Variants in MAP3K1 observed in about 807,000 individuals in gnomAD.
MAP3K1 encodes MAP/ERK kinase kinase 1.
A neutral mutation model predicts 144.2 loss-of-function variants in MAP3K1; 36 were observed. That is an observed-to-expected ratio of 0.25 (90% CI 0.19 to 0.33). The LOEUF (loss-of-function observed/expected upper bound fraction) is 0.33. Ranked by LOEUF, MAP3K1 falls within the 10% of genes least tolerant of loss-of-function variation. MAP3K1 has a pLI of 1.00. For missense variants in MAP3K1, 1,650 were observed against 1,881.9 expected, an observed-to-expected ratio of 0.88 and a Z score of 2.28; for synonymous variants, 718 against 688.7, an observed-to-expected ratio of 1.04 and a Z score of -0.67.
At chr5:56,879,204 G>C in intron 11 of MAP3K1, 103 bp downstream of exon 11, 1 of 1,354,708 alleles carries the variant, frequency 7.4e-7, no homozygotes, top group Non-Finnish European at 1.1e-6. Flanking sequence ...TATTAAATGA[G>C]TCTTTGAACA....
At chr5:56,848,349 CTA>C (rs893747802) in intron 1 of MAP3K1, among the ~76,000 whole-genome samples, 5 of 152,144 alleles carry the variant, frequency 3.3e-5, no homozygotes, top group Admixed American at 3.3e-4. Context: ...TTGTTAAGGG[CTA>C]TGTTTGTCCA....
At chr5:56,887,941 A>T (rs1171302596) in intron 18 of MAP3K1, 3 of 484,168 alleles carry the variant, frequency 6.2e-6, no homozygotes, top group Admixed American at 7.1e-5. Context: ...ATAATTCTTC[A>T]TGTTCATATG....
At position 56,821,180 on chromosome 5, in the gene MAP3K1, T is replaced by C. The variant is rs569399735; in HGVS notation, c.482+5125T>C. Among the ~76,000 whole-genome samples, 3 of 152,268 alleles carry C rather than the reference T, an allele frequency of 2.0e-5. No individual in the cohort carries two copies. The South Asian group carries it at 6.2e-4, about 32-fold the overall frequency. On this transcript the variant is annotated intron_variant, in intron 1 of 19. Transcript: ENST00000399503. ...TTACTCTATGGCATGTCATTGGTGA[T>C]TGAGTTATGTTTGGTATGGAAGGGA...
At position 56,872,967 on chromosome 5, in the gene MAP3K1, C is replaced by T; in HGVS notation, c.1648C>T (p.Pro550Ser). The stretch of plus-strand genomic sequence containing the variant: ...TACTCATTATGGAACTCAGCAAATC[C>T]CTCCTGCTTACAAAGATTTAGCTGA... ...NLTHYGTQQI[P>S]PAYKDLAEPW... The change falls in exon 9 of 20, where the codon CCT becomes TCT. Residue 550 changes from proline to serine, a missense_variant. Pro to Ser is a moderately conservative substitution (Grantham distance 74, BLOSUM62 -1). Transcript: ENST00000399503. 5.6e-6 allele frequency: 9 copies of T among 1,613,990 alleles called. No homozygotes were observed. Among genetic ancestry groups the T allele is most frequent in the Non-Finnish European group, 7.6e-6 (9 of 1,179,976 alleles).
chr5:56,879,403 TTATATC>T (rs575793549), intron 11 of MAP3K1, among the ~76,000 whole-genome samples: 30 of 152,316 alleles, frequency 2.0e-4, no homozygotes, highest in Non-Finnish European at 2.9e-4. Context: ...TAGTTGACAT[TTATATC>T]TATAAGTTAT....
intron 1 of MAP3K1, among the ~76,000 whole-genome samples, chr5:56,843,719 G>A (rs921793619): frequency 8.5e-5 from 13 of 152,106 alleles, no homozygotes; most frequent in African/African-American, 3.1e-4. Flanking sequence ...CATACAACGA[G>A]ACTACCCATC....
At chr5:56,887,940 C>T (rs572719172) in intron 18 of MAP3K1, 38 of 483,528 alleles carry the variant, frequency 7.9e-5, no homozygotes, top group African/African-American at 7.2e-4. Context: ...CATAATTCTT[C>T]ATGTTCATAT....
Position 56,896,054 on chromosome 5 carries a change from T to A in MAP3K1, c.*2374T>A, listed in dbSNP as rs1272249097. On this transcript the variant is annotated 3_prime_UTR_variant, in exon 20 of 20. Transcript: ENST00000399503. ...CTTTGTTATTTTAAATATATTGAGA[T>A]ATTTTAATTAAAATTTTTACCCCAT... 1.3e-5 allele frequency: 3 copies of A among 228,846 alleles called. No individual in the cohort carries two copies. Among genetic ancestry groups the A allele is most frequent in the Admixed American group, 1.1e-4 (2 of 17,662 alleles). The allele number at this position is 228,846 out of a possible 1,614,324, so 14.2% of individuals were successfully genotyped here.
rs535903856 is a variant in MAP3K1 at position 56,856,501 on chromosome 5, C to T, written c.483-99C>T. On this transcript the variant is annotated intron_variant, in intron 1 of 19. Coordinates refer to ENST00000399503, the MANE Select transcript of MAP3K1 (RefSeq NM_005921.2). ...GCAGTTATCTTTTTTATTACATGTC[C>T]GTTGGAAGTATAAAATAGAACCATC... The T allele has an allele frequency of 2.6e-5, 27 of 1,021,070 alleles. No homozygotes were observed. In the Middle Eastern group the frequency reaches 8.3e-4, roughly 31 times the overall value. 63.3% of individuals were successfully genotyped at this position (1,021,070 alleles called of 1,614,324 possible). A position where few individuals can be genotyped will look rare whatever the true frequency, so the allele number is the denominator to read the frequency against.
At position 56,881,999 on chromosome 5, in the gene MAP3K1, C is replaced by T. The variant is rs768441732; in HGVS notation, c.2799C>T (p.Ser933=). ...SSEDISERLA[S]ISVGPSSSTT... is the part of the protein sequence containing the mutation. ...AGGACATTTCTGAGAGACTGGCCAG[C>T]ATTTCAGTAGGACCTTCTAGTTCAA... Residue 933 remains serine, a synonymous_variant, in exon 14 of 20, where the codon AGC becomes AGT. Transcript: ENST00000399503. The T allele has an allele frequency of 6.2e-7, 1 of 1,604,260 alleles. No homozygotes were observed. Among genetic ancestry groups the T allele is most frequent in the Non-Finnish European group, 8.5e-7 (1 of 1,177,176 alleles).
intron 1 of MAP3K1, among the ~76,000 whole-genome samples, chr5:56,825,271 C>G (rs1746277131): frequency 6.6e-6 from 1 of 152,138 alleles, no homozygotes; most frequent in Non-Finnish European, 1.5e-5. Flanking sequence ...CCTCAGCTTC[C>G]CAAAGTGCTG....
intron 1 of MAP3K1, 98 bp from the exon 2 acceptor site, chr5:56,856,502 G>A (rs554234547): frequency 2.7e-5 from 28 of 1,041,956 alleles, no homozygotes; most frequent in South Asian, 1.8e-4. Context: ...TTACATGTCC[G>A]TTGGAAGTAT....
At chr5:56,881,526 C>A in intron 13 of MAP3K1, 44 bp from the exon 14 acceptor site, 1 of 1,442,300 alleles carries the variant, frequency 6.9e-7, no homozygotes, top group South Asian at 1.1e-5. Flanking sequence ...ATGTATTTTT[C>A]AGTAATTGGA....
intron 9 of MAP3K1, among the ~76,000 whole-genome samples, chr5:56,873,864 T>C (rs1561194319): frequency 6.6e-6 from 1 of 152,158 alleles, no homozygotes; most frequent in African/African-American, 2.4e-5. Flanking sequence ...TCTGCAAAAA[T>C]ATTAAACACA....
At chr5:56,831,787 A>T (rs1269334365) in intron 1 of MAP3K1, among the ~76,000 whole-genome samples, 1 of 152,218 alleles carries the variant, frequency 6.6e-6, no homozygotes, top group East Asian at 1.9e-4. Flanking sequence ...TTTTATAGAT[A>T]ATACTTTGAA....
In MAP3K1 at chr5:56,882,170, C is replaced by G; in HGVS notation, c.2970C>G (p.Thr990=). Reference sequence around the variant, plus strand: ...CCTTGTCAACCCCTTCTTCTTCTACCCCATCTGTACCAGCTGGCACTGCAA... The same window carrying G: ...CCTTGTCAACCCCTTCTTCTTCTACGCCATCTGTACCAGCTGGCACTGCAA... ...FPALSTPSSS[T]PSVPAGTATD... is the part of the protein sequence containing the mutation. The change falls in exon 14 of 20, where the codon ACC becomes ACG. Residue 990 remains threonine (T), a synonymous_variant. Transcript: ENST00000399503. 1 of 1,614,088 alleles carries G rather than the reference C, an allele frequency of 6.2e-7. No individual in the cohort carries two copies. The highest frequency in any genetic ancestry group is 8.5e-7 in the Non-Finnish European group (1 of 1,179,984).
In MAP3K1 at chr5:56,815,632, C is replaced by A. The variant is rs1349845055; in HGVS notation, c.59C>A (p.Thr20Lys). Residue 20 changes from threonine to lysine, a missense_variant, in exon 1 of 20, where the codon ACG becomes AAG. Coordinates refer to ENST00000399503, the MANE Select transcript of MAP3K1 (RefSeq NM_005921.2). ...TCGGGATTCCCGGGCGCCAGGGCTA[C>A]GAGCCCTGAGGCAGGCGGCGGCGGA... The part of the protein sequence containing the change: ...SSSGFPGARA[T>K]SPEAGGGGGA... The A allele has an allele frequency of 1.5e-6, 2 of 1,327,142 alleles. No individual in the cohort carries two copies. The highest frequency in any genetic ancestry group is 1.9e-6 in the Non-Finnish European group (2 of 1,039,270). 82.2% of individuals were successfully genotyped at this position (1,327,142 alleles called of 1,614,324 possible).
chr5:56,866,745 T>C (rs1747686193), intron 6 of MAP3K1, among the ~76,000 whole-genome samples: 1 of 152,198 alleles, frequency 6.6e-6, no homozygotes, highest in East Asian at 1.9e-4. Context: ...AATGAAAAAG[T>C]GACAGGGTCG....
chr5:56,855,488 C>T (rs1747314321), intron 1 of MAP3K1, among the ~76,000 whole-genome samples: 1 of 152,132 alleles, frequency 6.6e-6, no homozygotes, highest in Non-Finnish European at 1.5e-5. Context: ...TAATATGTTG[C>T]CTTCTACTTT....
Sources: allele counts gnomAD v4.1 joint callset (sites outside exome capture counted in the v4.1 genomes callset), GRCh38; gene constraint gnomAD v4.1.1; transcripts MANE v1.5; gene names NCBI Gene and HGNC (gene_info 2026-07-23, HGNC 2026-07-21).